KIAA1671: variants seen among roughly 807,000 people sequenced by gnomAD.
The protein encoded by KIAA1671 is KIAA1671, also known as uncharacterized protein KIAA1671.
In KIAA1671, 52 loss-of-function variants were observed where a neutral mutation model predicts 131.2. The observed-to-expected ratio is 0.40, with a 90% CI of 0.32 to 0.50. KIAA1671 has a LOEUF of 0.50. Among genes scored for constraint, KIAA1671 ranks in the 20% least tolerant of loss-of-function variants. The pLI, the probability that KIAA1671 is intolerant of heterozygous loss-of-function variation, is 0.73. For missense variants in KIAA1671, 2,360 were observed against 2,364.2 expected, an observed-to-expected ratio of 1.00 and a Z score of 0.04; for synonymous variants, 1,003 against 961.6, an observed-to-expected ratio of 1.04 and a Z score of -0.80.
intron 1 of KIAA1671, among the ~76,000 whole-genome samples, chr22:24,968,882 ATTGTT>A (rs1332934307): frequency 6.6e-6 from 1 of 151,366 alleles, no homozygotes; most frequent in Non-Finnish European, 1.5e-5. Context: ...TTATTGTTTT[ATTGTT>A]TTGTTTTGTG....
intron 1 of KIAA1671, among the ~76,000 whole-genome samples, chr22:24,999,147 A>T (rs1924299648): frequency 6.6e-6 from 1 of 152,158 alleles, no homozygotes; most frequent in African/African-American, 2.4e-5. Context: ...CCTTATCACC[A>T]CTTGGTAATG....
chr22:25,193,026 G>A lies in KIAA1671; in HGVS notation c.*625G>A, dbSNP rs943796380. The stretch of plus-strand genomic sequence containing the variant: ...GTGTATTTCTCTTTCTAGTGGGGCT[G>A]TGTGCATCGTTGGCCTATGTTATTG... On this transcript the variant is annotated 3_prime_UTR_variant, in exon 13 of 13. Transcript: ENST00000358431. 2 of 152,076 alleles carry A rather than the reference G, an allele frequency of 1.3e-5. No individual in the cohort carries two copies. The highest frequency in any genetic ancestry group is 2.9e-5 in the Non-Finnish European group (2 of 68,038). The allele number at this position is 152,076 out of a possible 1,614,324, so 9.4% of individuals were successfully genotyped here. A position where few individuals can be genotyped will look rare whatever the true frequency, so the allele number is the denominator to read the frequency against.
intron 7 of KIAA1671, among the ~76,000 whole-genome samples, chr22:25,172,644 C>CTATT: frequency 6.6e-6 from 1 of 152,282 alleles, no homozygotes; most frequent in East Asian, 1.9e-4. Context: ...CTTTGCTAGG[C>CTATT]TATTGGCTTA....
intron 11 of KIAA1671, among the ~76,000 whole-genome samples, chr22:25,189,126 CTTTTTT>C (rs200226589): frequency 1.7e-5 from 2 of 114,886 alleles, no homozygotes; most frequent in Admixed American, 8.8e-5. Flanking sequence ...CAGTCTTTTT[CTTTTTT>C]TTTTTTTTTT....
intron 1 of KIAA1671, among the ~76,000 whole-genome samples, chr22:25,019,714 T>C (rs1405796253): frequency 6.6e-6 from 1 of 151,960 alleles, no homozygotes; most frequent in African/African-American, 2.4e-5. Flanking sequence ...CTGCTTCCCC[T>C]ACCAATTATC....
chr22:25,028,993 A>C lies in KIAA1671; in HGVS notation c.994A>C (p.Lys332Gln). 1 of 1,518,676 alleles carries C rather than the reference A, an allele frequency of 6.6e-7. No individual in the cohort carries two copies. The highest frequency in any genetic ancestry group is 2.5e-5 in the East Asian group (1 of 40,576). The allele number at this position is 1,518,676 out of a possible 1,614,324, so 94.1% of individuals were successfully genotyped here. Residue 332 changes from lysine (K) to glutamine (Q), a missense_variant, in exon 3 of 13, where the codon AAG becomes CAG. Coordinates refer to ENST00000358431, the MANE Select transcript of KIAA1671 (RefSeq NM_001145206.2). ...CAAGCTGGACAGGGACTGTTTGGTC[A>C]AGGCGGAGGCTCCTCTTCATGATCC... ...ASKLDRDCLV[K>Q]AEAPLHDPDL...
intron 6 of KIAA1671, among the ~76,000 whole-genome samples, chr22:25,079,316 G>A (rs1028691372): frequency 2.0e-5 from 3 of 151,512 alleles, no homozygotes; most frequent in South Asian, 4.2e-4. Flanking sequence ...TGCAACCTCC[G>A]CCTCCTGGGT....
At position 25,069,952 on chromosome 22, in the gene KIAA1671, A is replaced by AAC. The variant is rs145647512; in HGVS notation, c.4530+20601_4530+20602dup. ...GTACACACACACTCCTTCATGCATAAACACACACACACACGCGTGCACACA... is the reference window on the plus strand; with the variant it reads ...GTACACACACACTCCTTCATGCATAAACACACACACACACACGCGTGCACACA... On this transcript the variant is annotated intron_variant, in intron 6 of 12. Transcript: ENST00000358431. The AAC allele has an allele frequency of 2.2e-3, 366 of 165,420 alleles. 2 individuals carry two copies. The highest frequency in any genetic ancestry group is 3.6e-3 in the Non-Finnish European group (278 of 77,268). The allele number at this position is 165,420 out of a possible 1,614,324, so 10.2% of individuals were successfully genotyped here.
chr22:25,091,182 C>T (rs6004432), intron 6 of KIAA1671, among the ~76,000 whole-genome samples: 40,866 of 151,924 alleles, frequency 0.27, 6,820 homozygotes, highest in African/African-American at 0.48. Flanking sequence ...CTCAGCCTCC[C>T]GAGTAGCTGG....
intron 6 of KIAA1671, among the ~76,000 whole-genome samples, chr22:25,157,376 T>TA (rs1933278547): frequency 6.6e-6 from 1 of 152,224 alleles, no homozygotes; most frequent in Non-Finnish European, 1.5e-5. Context: ...TGCCACCTGT[T>TA]ACTTTGCACC....
chr22:25,111,978 G>A, intron 6 of KIAA1671: 1 of 371,200 alleles, frequency 2.7e-6, no homozygotes. Flanking sequence ...CGGCACCCGT[G>A]GATGCAGCCG....
intron 1 of KIAA1671, among the ~76,000 whole-genome samples, chr22:25,019,392 A>G (rs1245336121): frequency 6.6e-6 from 1 of 152,174 alleles, no homozygotes; most frequent in Non-Finnish European, 1.5e-5. Flanking sequence ...GTGTGAGCTT[A>G]ATAAACGATA....
At chr22:24,986,650 C>T (rs530261170) in intron 1 of KIAA1671, among the ~76,000 whole-genome samples, 172 of 109,512 alleles carry the variant, frequency 1.6e-3, no homozygotes, top group Non-Finnish European at 2.3e-3. Context: ...CACCCATCCA[C>T]CCACCCACCC....
chr22:25,073,490 A>T (rs921586620), intron 6 of KIAA1671, among the ~76,000 whole-genome samples: 1 of 152,224 alleles, frequency 6.6e-6, no homozygotes, highest in African/African-American at 2.4e-5. Flanking sequence ...GCAAATTAAC[A>T]TACCTATCTC....
chr22:24,980,081 CA>C (rs1164850651), intron 1 of KIAA1671, among the ~76,000 whole-genome samples: 4 of 151,234 alleles, frequency 2.6e-5, no homozygotes, highest in African/African-American at 4.9e-5. Flanking sequence ...TCTCCTGCCT[CA>C]GCCTCCTGAA....
At chr22:24,985,773 G>C (rs909063449) in intron 1 of KIAA1671, among the ~76,000 whole-genome samples, 1 of 151,386 alleles carries the variant, frequency 6.6e-6, no homozygotes, top group Non-Finnish European at 1.5e-5. Flanking sequence ...TGTGTGTATG[G>C]TGAGGGGAGA....
Position 25,040,768 on chromosome 22 carries a change from T to G in KIAA1671, c.3638T>G (p.Leu1213Arg), listed in dbSNP as rs2145806981. Residue 1213 changes from leucine to arginine, a missense_variant, in exon 5 of 13, where the codon CTG (leucine) becomes CGG (arginine). By Grantham distance (102) the Leu-to-Arg change is moderately radical. This residue lies in a region of KIAA1671 where 1,161 missense variants were observed against 1,204.7 expected (regional missense o/e 0.96). Coordinates refer to ENST00000358431, the MANE Select transcript of KIAA1671 (RefSeq NM_001145206.2). Reference protein sequence around the residue: ...ALMAEYQELSLKVPGEAQERR... With the variant: ...ALMAEYQELSRKVPGEAQERR... ...ATGGCAGAGTACCAGGAGCTGTCGC[T>G]GAAAGTCCCTGGGGAGGCTCAGGAG... 1 of 1,551,766 alleles carries G rather than the reference T, an allele frequency of 6.4e-7. No individual in the cohort carries two copies. The highest frequency in any genetic ancestry group is 2.4e-5 in the East Asian group (1 of 40,912).
chr22:24,982,340 C>T (rs1338784170), intron 1 of KIAA1671, among the ~76,000 whole-genome samples: 1 of 152,222 alleles, frequency 6.6e-6, no homozygotes, highest in African/African-American at 2.4e-5. Context: ...TGGCCTTACT[C>T]TCTCTTTGCT....
At chr22:25,004,947 A>G (rs1924667032) in intron 1 of KIAA1671, among the ~76,000 whole-genome samples, 1 of 151,620 alleles carries the variant, frequency 6.6e-6, no homozygotes, top group African/African-American at 2.4e-5. Context: ...TTCTGTCTCA[A>G]AAAGAAAAAA....
Sources: allele counts gnomAD v4.1 joint callset (sites outside exome capture counted in the v4.1 genomes callset), GRCh38; gene constraint gnomAD v4.1.1; regional missense constraint gnomAD v4.1.1; transcripts MANE v1.5; gene names NCBI Gene and HGNC (gene_info 2026-07-23, HGNC 2026-07-21).